The following BABAM2 variants were observed in gnomAD, a reference collection of about 807,000 sequenced individuals.
The protein encoded by BABAM2 is BRISC and BRCA1 A complex member 2, also known as BRISC and BRCA1-A complex member 2.
BABAM2 carries 31 observed loss-of-function variants against 54.7 expected under a neutral mutation model. That is an observed-to-expected ratio of 0.57 (90% confidence interval 0.43 to 0.77). The LOEUF (loss-of-function observed/expected upper bound fraction) is 0.77. Among genes scored for constraint, BABAM2 ranks in the 30% least tolerant of loss-of-function variants. The pLI, the probability that BABAM2 is intolerant of heterozygous loss-of-function variation, is 0.00. For missense variants in BABAM2, 364 were observed against 455.8 expected, an observed-to-expected ratio of 0.80 and a Z score of 1.83; for synonymous variants, 167 against 162.9, an observed-to-expected ratio of 1.03 and a Z score of -0.19.
chr2:28,314,013 A>G (rs1437106521), intron 11 of BABAM2, among the ~76,000 whole-genome samples: 4 of 152,218 alleles, frequency 2.6e-5, no homozygotes, highest in Admixed American at 6.5e-5. Context: ...GGGAGACTGG[A>G]TAATCCTTAA....
intron 5 of BABAM2, among the ~76,000 whole-genome samples, chr2:28,030,809 C>A (rs1027728493): frequency 6.6e-6 from 1 of 152,092 alleles, no homozygotes; most frequent in African/African-American, 2.4e-5. Context: ...GGGCGGAAGT[C>A]CAAAATGGGT....
intron 4 of BABAM2, among the ~76,000 whole-genome samples, chr2:28,024,333 G>A (rs991942879): frequency 6.6e-6 from 1 of 151,886 alleles, no homozygotes; most frequent in African/African-American, 2.4e-5. Context: ...GTGAACCCGG[G>A]AGGCGGAGCT....
intron 3 of BABAM2, among the ~76,000 whole-genome samples, chr2:27,974,236 T>G (rs1428056298): frequency 6.6e-6 from 1 of 152,068 alleles, no homozygotes; most frequent in Non-Finnish European, 1.5e-5. Flanking sequence ...TCAAAGAAAG[T>G]AGAAGAAAAC....
At chr2:27,979,154 A>G (rs1381956451) in intron 3 of BABAM2, among the ~76,000 whole-genome samples, 2 of 151,820 alleles carry the variant, frequency 1.3e-5, no homozygotes, top group East Asian at 3.9e-4. Context: ...TAGCCTCCCA[A>G]GTAGCTGAGA....
In BABAM2 at chr2:27,939,917, C is replaced by A. The variant is rs569676170; in HGVS notation, c.205+10009C>A. Among the ~76,000 whole-genome samples the A allele has an allele frequency of 2.0e-5, 3 of 152,224 alleles. No individual in the cohort carries two copies. In the East Asian group the frequency reaches 5.8e-4, roughly 29 times the overall value. ...GTTAAATAATTGAAATAAAAAAGAT[C>A]AGAAGATTATAGTACATTAGGAATG... is the stretch of plus-strand genomic sequence containing the variant. On this transcript the variant is annotated intron_variant, in intron 3 of 11. Transcript: ENST00000379624.
intron 3 of BABAM2, among the ~76,000 whole-genome samples, chr2:27,978,589 A>G (rs1401438349): frequency 6.6e-6 from 1 of 152,230 alleles, no homozygotes; most frequent in African/African-American, 2.4e-5. Flanking sequence ...ACTGATAAGA[A>G]TAATCTATCA....
chr2:27,929,950 G>T (rs778406959), intron 3 of BABAM2, 42 bp downstream of exon 3: 8 of 1,551,948 alleles, frequency 5.2e-6, no homozygotes, highest in Non-Finnish European at 7.1e-6. Flanking sequence ...GTAGGTTACA[G>T]TGTCAGCTAT....
intron 10 of BABAM2, among the ~76,000 whole-genome samples, chr2:28,257,111 A>C (rs916568968): frequency 6.6e-6 from 1 of 152,338 alleles, no homozygotes; most frequent in Admixed American, 6.5e-5. Context: ...GATTTGAGGT[A>C]TAATGACTTT....
intron 7 of BABAM2, among the ~76,000 whole-genome samples, chr2:28,201,752 G>C (rs1268223299): frequency 6.6e-6 from 1 of 152,170 alleles, no homozygotes; most frequent in African/African-American, 2.4e-5. Context: ...TCTTGCCAGA[G>C]ATTTCTTAAG....
At chr2:28,022,622 T>C (rs1477084329) in intron 4 of BABAM2, among the ~76,000 whole-genome samples, 1 of 152,250 alleles carries the variant, frequency 6.6e-6, no homozygotes, top group Non-Finnish European at 1.5e-5. Flanking sequence ...TCTCTGTTAA[T>C]ATGTGATGTG....
At position 28,194,575 on chromosome 2, in the gene BABAM2, CTTTTTTT is replaced by C. The variant is rs10684650; in HGVS notation, c.681-42612_681-42606del. ...ATTTGTTGTATGATTACAACGTAGA[CTTTTTTT>C]TTTTTTTTTTTTTTGAGAAGGAGTC... On this transcript the variant is annotated intron_variant, in intron 7 of 11. Transcript: ENST00000379624. 9.1e-5 allele frequency among the ~76,000 whole-genome samples: 9 copies of C among 99,196 alleles called. No homozygotes were observed. The Admixed American group carries it at 9.3e-4, about 10-fold the overall frequency. 65.1% of individuals were successfully genotyped at this position (99,196 alleles called of 152,430 possible). A position where few individuals can be genotyped will look rare whatever the true frequency, so the allele number is the denominator to read the frequency against.
chr2:27,967,072 T>C (rs1049567329), intron 3 of BABAM2, among the ~76,000 whole-genome samples: 10 of 152,190 alleles, frequency 6.6e-5, no homozygotes, highest in Non-Finnish European at 1.0e-4. Context: ...GAGAAACATA[T>C]ATTTCTTCAT....
intron 4 of BABAM2, chr2:28,013,422 A>C (rs1441013977): frequency 2.2e-6 from 1 of 455,584 alleles, no homozygotes; most frequent in African/African-American, 2.0e-5. Context: ...CAGACTTAAA[A>C]TTTCCTATTT....
At chr2:28,237,167 T>C in intron 7 of BABAM2, 35 bp from the exon 8 acceptor site, 1 of 1,575,918 alleles carries the variant, frequency 6.3e-7, no homozygotes, top group Non-Finnish European at 8.7e-7. Context: ...GCTTGAGCCC[T>C]AAGAGAAGTG....
intron 10 of BABAM2, among the ~76,000 whole-genome samples, chr2:28,251,056 T>G (rs1683434803): frequency 6.6e-6 from 1 of 152,236 alleles, no homozygotes; most frequent in Non-Finnish European, 1.5e-5. Context: ...GTCTAATGAA[T>G]GATAAGGTTC....
chr2:28,232,565 G>A (rs184644912), intron 7 of BABAM2, among the ~76,000 whole-genome samples: 4 of 152,250 alleles, frequency 2.6e-5, no homozygotes, highest in East Asian at 3.9e-4. Context: ...CCTACTACAC[G>A]CCTAGGCTAT....
intron 7 of BABAM2, among the ~76,000 whole-genome samples, chr2:28,219,477 A>G (rs956942253): frequency 8.5e-5 from 13 of 152,148 alleles, no homozygotes; most frequent in Admixed American, 7.2e-4. Flanking sequence ...TAATCTCCTC[A>G]TGTCGGGGTC....
At chr2:27,924,392 CT>C (rs112036195) in intron 2 of BABAM2, among the ~76,000 whole-genome samples, 55 of 145,492 alleles carry the variant, frequency 3.8e-4, no homozygotes, top group East Asian at 2.2e-3. Flanking sequence ...AACCCATGCT[CT>C]TTTTTTTTTT....
At chr2:27,890,212 C>G, upstream of BABAM2, 1 of 1,580,680 alleles carries the variant, frequency 6.3e-7, no homozygotes, top group Non-Finnish European at 8.7e-7. This position sits in a 1 kb window ranked among gnomAD's most constrained non-coding sequence, Gnocchi z 4.8. Context: ...GCACGGCACG[C>G]CTCCTCCCCC....
Sources: allele counts gnomAD v4.1 joint callset (sites outside exome capture counted in the v4.1 genomes callset), GRCh38; gene constraint gnomAD v4.1.1; non-coding constraint Gnocchi (gnomAD v3.1); transcripts MANE v1.5; gene names NCBI Gene and HGNC (gene_info 2026-07-23, HGNC 2026-07-21).